Variants in SFMBT1 observed in about 807,000 individuals in gnomAD.
The protein encoded by SFMBT1 is Scm like with four mbt domains 1, also known as scm-like with four MBT domains protein 1.
Under a neutral mutation model 108.7 loss-of-function variants are expected in SFMBT1, and 32 were observed. That is an observed-to-expected ratio of 0.29 (90% CI 0.22 to 0.40). The LOEUF is 0.40. Among genes scored for constraint, SFMBT1 ranks in the 10% least tolerant of loss-of-function variants. The pLI, the probability that SFMBT1 is intolerant of heterozygous loss-of-function variation, is 1.00. For synonymous variants in SFMBT1, 348 were observed against 369.5 expected (o/e 0.94, Z 0.67); for missense variants, 816 against 1,059.6 (o/e 0.77, Z 3.19).
intron 1 of SFMBT1, among the ~76,000 whole-genome samples, chr3:53,029,817 G>T (rs1398316863): frequency 6.6e-6 from 1 of 152,030 alleles, no homozygotes; most frequent in Non-Finnish European, 1.5e-5. Flanking sequence ...GGGAGAATGG[G>T]GGTGGTAGAA....
At chr3:52,981,851 C>T (rs1038010485) in intron 1 of SFMBT1, among the ~76,000 whole-genome samples, 1 of 152,068 alleles carries the variant, frequency 6.6e-6, no homozygotes, top group African/African-American at 2.4e-5. Flanking sequence ...GCCCGCTAAC[C>T]CCCACGCCTC....
rs755915744 is a variant in SFMBT1, at chr3:52,970,974, T to C, written c.-130-1716A>G. Among the ~76,000 whole-genome samples the C allele has an allele frequency of 1.1e-4, 17 of 151,730 alleles. No individual in the cohort carries two copies. In the East Asian group the frequency reaches 2.9e-3, roughly 26 times the overall value. On this transcript the variant is annotated intron_variant, in intron 1 of 20. Coordinates refer to ENST00000394752, the MANE Select transcript of SFMBT1 (RefSeq NM_016329.4). ...CACAGCAAAACCCTGTCTCAAAAAA[T>C]ATATATGAAAATTAGCTGGGTGTGG...
chr3:52,923,467 G>T (rs1702573547), intron 10 of SFMBT1, among the ~76,000 whole-genome samples: 2 of 151,924 alleles, frequency 1.3e-5, no homozygotes, highest in Admixed American at 1.3e-4. Context: ...TAAGGAGGCT[G>T]GAGAATCTCT....
chr3:52,907,028 G>A, intron 19 of SFMBT1, 41 bp downstream of exon 19: 4 of 1,566,630 alleles, frequency 2.6e-6, no homozygotes, highest in South Asian at 1.2e-5. Flanking sequence ...GGAAATTCCA[G>A]AGAGAAAGAA....
Position 52,930,832 on chromosome 3 carries a change from C to A in SFMBT1, c.795+109G>T, listed in dbSNP as rs1702833293. On this transcript the variant is annotated intron_variant, in intron 7 of 20. Transcript: ENST00000394752. ...TTAACACACCCTCCTCCTTCAGAGA[C>A]CATGGCATTCTTACCGACTGCAGGG... 9 of 791,370 alleles carry A rather than the reference C, an allele frequency of 1.1e-5. No homozygotes were observed. The South Asian group carries it at 1.3e-4, about 11-fold the overall frequency. 49.0% of individuals were successfully genotyped at this position (791,370 alleles called of 1,614,324 possible). A position where few individuals can be genotyped will look rare whatever the true frequency, so the allele number is the denominator to read the frequency against.
At chr3:52,934,745 C>A in intron 5 of SFMBT1, 68 bp downstream of exon 5, 3 of 1,339,040 alleles carry the variant, frequency 2.2e-6, no homozygotes, top group Non-Finnish European at 3.1e-6. Context: ...AAATAAGCAA[C>A]CGATTTTAAG....
intron 1 of SFMBT1, among the ~76,000 whole-genome samples, chr3:52,972,937 G>T (rs910366889): frequency 6.6e-6 from 1 of 151,992 alleles, no homozygotes; most frequent in African/African-American, 2.4e-5. Flanking sequence ...GAAGAGAATC[G>T]CTTGAGCCTG....
intron 1 of SFMBT1, among the ~76,000 whole-genome samples, chr3:52,980,538 A>G (rs1559535544): frequency 1.3e-5 from 2 of 152,168 alleles, no homozygotes; most frequent in Non-Finnish European, 1.5e-5. Flanking sequence ...AGAAGCAGAA[A>G]GAAGTGGTGA....
chr3:52,934,675 A>T, intron 5 of SFMBT1, 138 bp downstream of exon 5: 1 of 623,474 alleles, frequency 1.6e-6, no homozygotes, highest in Non-Finnish European at 2.6e-6. Flanking sequence ...GGGTAAGTTT[A>T]AACTTCCCAA....
At position 52,907,777 on chromosome 3, in the gene SFMBT1, T is replaced by C. The variant is rs78408353; in HGVS notation, c.1907-44A>G. 4.5e-3 allele frequency: 7,007 copies of C among 1,544,958 alleles called. 318 individuals carry two copies. In the African/African-American group the frequency reaches 0.085, roughly 19 times the overall value. On this transcript the variant is annotated intron_variant, in intron 17 of 20. Coordinates refer to ENST00000394752, the MANE Select transcript of SFMBT1 (RefSeq NM_016329.4). ...GAAAAATGAAGTAGCTTCATTATTT[T>C]TGTGTACCTCAAAACCACAAGAGAT... is the stretch of plus-strand genomic sequence containing the variant.
chr3:53,020,426 A>G (rs559556709), intron 1 of SFMBT1, among the ~76,000 whole-genome samples: 1 of 152,076 alleles, frequency 6.6e-6, no homozygotes, highest in Non-Finnish European at 1.5e-5. Context: ...AAATAAAGAA[A>G]AAGAAAAAAA....
chr3:53,006,500 G>A (rs959131140), intron 1 of SFMBT1, among the ~76,000 whole-genome samples: 2 of 152,030 alleles, frequency 1.3e-5, no homozygotes, highest in East Asian at 1.9e-4. Flanking sequence ...GTGTTGGCAC[G>A]TGCCTGTAAC....
At chr3:52,992,170 A>T (rs1279726397) in intron 1 of SFMBT1, among the ~76,000 whole-genome samples, 1 of 152,242 alleles carries the variant, frequency 6.6e-6, no homozygotes, top group Non-Finnish European at 1.5e-5. Flanking sequence ...ACTCACACAG[A>T]GCCCTTCACA....
chr3:52,959,946 C>A (rs1703905155), intron 2 of SFMBT1, among the ~76,000 whole-genome samples: 1 of 151,802 alleles, frequency 6.6e-6, no homozygotes, highest in South Asian at 2.1e-4. Flanking sequence ...AATGAGTACA[C>A]CCTAGGGGAA....
intron 16 of SFMBT1, among the ~76,000 whole-genome samples, chr3:52,911,454 T>C (rs1289824289): frequency 2.0e-5 from 3 of 152,194 alleles, no homozygotes; most frequent in African/African-American, 7.2e-5. Context: ...AAATAGTAAT[T>C]TCACTAACTG....
At chr3:52,976,127 C>T (rs1193419832) in intron 1 of SFMBT1, among the ~76,000 whole-genome samples, 1 of 152,124 alleles carries the variant, frequency 6.6e-6, no homozygotes, top group African/African-American at 2.4e-5. Context: ...TTAAGCCAGA[C>T]ACAGTGGCTC....
At chr3:52,906,520 G>A (rs569486326) in intron 19 of SFMBT1, among the ~76,000 whole-genome samples, 1 of 152,314 alleles carries the variant, frequency 6.6e-6, no homozygotes, top group Admixed American at 6.5e-5. Flanking sequence ...TGAAGAGAAG[G>A]GGATGATAAT....
intron 3 of SFMBT1, among the ~76,000 whole-genome samples, chr3:52,947,208 C>G (rs1350440895): frequency 6.6e-6 from 1 of 151,182 alleles, no homozygotes; most frequent in Non-Finnish European, 1.5e-5. Flanking sequence ...AGCTCCGCCT[C>G]CCAGGTTCAC....
At chr3:52,958,121 C>A (rs1232295972) in intron 2 of SFMBT1, among the ~76,000 whole-genome samples, 2 of 151,926 alleles carry the variant, frequency 1.3e-5, no homozygotes, top group African/African-American at 2.4e-5. Flanking sequence ...CAAGAAAAAA[C>A]CCAACAACCC....
Sources: gnomAD v4.1 joint callset for allele counts (sites outside exome capture counted in the v4.1 genomes callset) on GRCh38, gnomAD v4.1.1 for gene constraint, MANE v1.5 for transcripts, NCBI Gene and HGNC (gene_info 2026-07-23, HGNC 2026-07-21) for gene names.